CLIP1: variants seen among roughly 807,000 people sequenced by gnomAD.
CLIP1 encodes the protein CAP-Gly domain containing linker protein 1, also known as CAP-Gly domain-containing linker protein 1.
Under a neutral mutation model 161.6 loss-of-function variants are expected in CLIP1, and 66 were observed. The ratio of observed to expected loss-of-function variants is 0.41; its 90% CI spans 0.33 to 0.50. The LOEUF is 0.50. CLIP1 is among the 20% of genes least tolerant of loss of function. CLIP1 has a pLI of 0.27. For synonymous variants in CLIP1, 598 were observed against 626.2 expected (o/e 0.96, Z 0.67); for missense variants, 1,376 against 1,702.0 (o/e 0.81, Z 3.37).
chr12:122,394,179 C>T (rs915017516), intron 1 of CLIP1, among the ~76,000 whole-genome samples: 1 of 151,972 alleles, frequency 6.6e-6, no homozygotes, highest in Non-Finnish European at 1.5e-5. Flanking sequence ...TGTTTACGTA[C>T]TGCATTACTT....
intron 21 of CLIP1, among the ~76,000 whole-genome samples, chr12:122,287,040 C>T (rs886474784): frequency 2.6e-5 from 4 of 151,896 alleles, no homozygotes; most frequent in African/African-American, 9.7e-5. Flanking sequence ...GGTGTGATCA[C>T]GCATGCCTGT....
chr12:122,364,244 T>A, intron 3 of CLIP1, 137 bp from the exon 4 acceptor site: 3 of 1,028,996 alleles, frequency 2.9e-6, no homozygotes, highest in South Asian at 1.6e-5. Context: ...TCTTTGACTC[T>A]AAGAGTTCTC....
chr12:122,364,050 C>T lies in CLIP1; in HGVS notation c.715G>A (p.Gly239Arg), dbSNP rs754102187. ...TCTAACTCCACGCCACACCACTCCC[C>T]CTTGGCAAAGTCGGTCTCCCCAAGA... ...RFLGETDFAKGEWCGVELDEP... is the reference protein window; with the variant it reads ...RFLGETDFAKREWCGVELDEP... The change falls in exon 4 of 26, where the codon GGG becomes AGG. Residue 239 changes from glycine to arginine, a missense_variant. Gly to Arg is a moderately radical substitution (Grantham distance 125). Transcript: ENST00000620786. 1.4e-5 allele frequency: 22 copies of T among 1,614,054 alleles called. No individual in the cohort carries two copies. The highest frequency in any genetic ancestry group is 1.8e-5 in the Non-Finnish European group (21 of 1,180,038).
rs368653650 is a variant in CLIP1 at position 122,386,401 on chromosome 12, G to A, written c.-106-5843C>T. On this transcript the variant is annotated intron_variant, in intron 1 of 25. Transcript: ENST00000620786. ...AGAAAAAGGAAGCTATGAAGAAAAC[G>A]TCTATTGACTAATGGGAAAAGGTTC... 7.2e-4 allele frequency among the ~76,000 whole-genome samples: 109 copies of A among 152,312 alleles called. 1 individual carries two copies. The South Asian group carries it at 0.022, about 30-fold the overall frequency.
Position 122,341,089 on chromosome 12 carries a change from T to C in CLIP1, c.2115A>G (p.Glu705=). The part of the protein sequence containing the change: ...LRAKLMKVIK[E]KENSLEAIRS... Reference sequence around the variant, plus strand: ...TGATGGCTTCCAGACTGTTTTCCTTTTCTTTAATAACTTTCATCAGTTTAG... The same window carrying C: ...TGATGGCTTCCAGACTGTTTTCCTTCTCTTTAATAACTTTCATCAGTTTAG... The change falls in exon 11 of 26, where the codon GAA becomes GAG. Residue 705 remains glutamate, a synonymous_variant. Transcript: ENST00000620786. 2 of 1,613,876 alleles carry C rather than the reference T, an allele frequency of 1.2e-6. No homozygotes were observed. Among genetic ancestry groups the C allele is most frequent in the Non-Finnish European group, 1.7e-6 (2 of 1,179,974 alleles).
At chr12:122,382,251 C>T (rs1181626245) in intron 1 of CLIP1, among the ~76,000 whole-genome samples, 1 of 151,842 alleles carries the variant, frequency 6.6e-6, no homozygotes, top group African/African-American at 2.4e-5. Flanking sequence ...ATCCCAGCTA[C>T]TCGAGAGGCT....
Position 122,354,904 on chromosome 12 carries a change from C to T in CLIP1, c.1203+211G>A, listed in dbSNP as rs139295985. Reference sequence around the variant, plus strand: ...AAGACCCGGACACAAAGACCAAACACTAAGGTCGAATCAAGAACAAAACTT... The same window carrying T: ...AAGACCCGGACACAAAGACCAAACATTAAGGTCGAATCAAGAACAAAACTT... On this transcript the variant is annotated intron_variant, in intron 6 of 25. Transcript: ENST00000620786. 1.6e-3 allele frequency: 982 copies of T among 601,814 alleles called. 9 individuals are homozygous for T. In the African/African-American group the frequency reaches 0.017, roughly 10 times the overall value. 37.3% of individuals were successfully genotyped at this position (601,814 alleles called of 1,614,324 possible). A position where few individuals can be genotyped will look rare whatever the true frequency, so the allele number is the denominator to read the frequency against.
chr12:122,386,630 G>A (rs375130934), intron 1 of CLIP1, among the ~76,000 whole-genome samples: 4 of 152,020 alleles, frequency 2.6e-5, no homozygotes, highest in East Asian at 3.9e-4. Flanking sequence ...ATAAATACAC[G>A]GTTATTTTTT....
intron 1 of CLIP1, among the ~76,000 whole-genome samples, chr12:122,386,845 G>A (rs990364135): frequency 9.4e-5 from 14 of 149,268 alleles, no homozygotes; most frequent in Non-Finnish European, 1.5e-5. Flanking sequence ...AAAAAAGAGA[G>A]AGAGATTCTG....
At chr12:122,416,890 C>A (rs563765322) in intron 1 of CLIP1, among the ~76,000 whole-genome samples, 1 of 150,178 alleles carries the variant, frequency 6.7e-6, no homozygotes, top group East Asian at 2.0e-4. Context: ...ACAAGAGCGA[C>A]ACTCCATCTC....
chr12:122,355,976 T>C lies in CLIP1; in HGVS notation c.1006-664A>G, dbSNP rs1460592224. On this transcript the variant is annotated intron_variant, in intron 5 of 25. Coordinates refer to ENST00000620786, the MANE Select transcript of CLIP1 (RefSeq NM_001247997.2). This position sits in a 1 kb window ranked among gnomAD's most constrained non-coding sequence, Gnocchi z 4.1. ...TGCAGCTGTCGCCTGAAAGCTCTTC[T>C]CTTCATCGGTTTCCCTAGGCCCTTA... 4 of 152,238 alleles carry C rather than the reference T, an allele frequency of 2.6e-5. No homozygotes were observed. The highest frequency in any genetic ancestry group is 9.6e-5 in the African/African-American group (4 of 41,468). 9.4% of individuals were successfully genotyped at this position (152,238 alleles called of 1,614,324 possible). A position where few individuals can be genotyped will look rare whatever the true frequency, so the allele number is the denominator to read the frequency against.
intron 21 of CLIP1, among the ~76,000 whole-genome samples, chr12:122,281,692 C>A (rs1231014890): frequency 6.6e-6 from 1 of 151,094 alleles, no homozygotes; most frequent in South Asian, 2.1e-4. Flanking sequence ...CCAGCCTGGG[C>A]AACAGAGCAA....
At chr12:122,407,381 G>A (rs890626720) in intron 1 of CLIP1, among the ~76,000 whole-genome samples, 1 of 152,166 alleles carries the variant, frequency 6.6e-6, no homozygotes, top group Non-Finnish European at 1.5e-5. Flanking sequence ...ATTATATACA[G>A]CAGTGAGATC....
chr12:122,301,502 C>T (rs931075434), intron 20 of CLIP1, among the ~76,000 whole-genome samples: 2 of 152,168 alleles, frequency 1.3e-5, no homozygotes, highest in Non-Finnish European at 2.9e-5. Context: ...GGCGAAACCC[C>T]ATCTCTACTA....
chr12:122,372,683 T>C (rs1303708130), intron 3 of CLIP1, among the ~76,000 whole-genome samples: 4 of 152,094 alleles, frequency 2.6e-5, no homozygotes, highest in African/African-American at 4.8e-5. Context: ...TAAAATCCAT[T>C]GTGTTAGAAA....
chr12:122,278,333 C>T, intron 23 of CLIP1, 130 bp from the exon 24 acceptor site: 1 of 803,580 alleles, frequency 1.2e-6, no homozygotes, highest in Admixed American at 2.2e-5. Flanking sequence ...CCAGATGCAC[C>T]ACTTTCAGCA....
intron 11 of CLIP1, among the ~76,000 whole-genome samples, chr12:122,338,915 G>A (rs1192652682): frequency 1.3e-5 from 2 of 152,074 alleles, no homozygotes; most frequent in African/African-American, 4.8e-5. Context: ...TGTCATCTTC[G>A]ACTATGGTTA....
At chr12:122,308,591 T>C (rs1950959789) in intron 20 of CLIP1, among the ~76,000 whole-genome samples, 1 of 152,238 alleles carries the variant, frequency 6.6e-6, no homozygotes, top group South Asian at 2.1e-4. Flanking sequence ...CAAATGATGC[T>C]GAACAAATTA....
In CLIP1 at chr12:122,354,514, T is replaced by C. The variant is rs759555053; in HGVS notation, c.1246A>G (p.Met416Val). 6.2e-7 allele frequency: 1 copy of C among 1,613,836 alleles called. No homozygotes were observed. The highest frequency in any genetic ancestry group is 8.5e-7 in the Non-Finnish European group (1 of 1,179,834). ...TTCTCCCTGTCAGCAGCTTCCACCATTGTTCGCAGCTGGTCCATTTTGGCT... is the reference window on the plus strand; with the variant it reads ...TTCTCCCTGTCAGCAGCTTCCACCACTGTTCGCAGCTGGTCCATTTTGGCT... The part of the protein sequence containing the change: ...LEAKMDQLRT[M>V]VEAADREKVE... Residue 416 changes from methionine (M) to valine (V), a missense_variant, in exon 7 of 26, where the codon ATG becomes GTG. Met to Val is a conservative substitution (Grantham distance 21). This residue lies in a region of CLIP1 where 211 missense variants were observed against 295.1 expected (regional missense o/e 0.72). Coordinates refer to ENST00000620786, the MANE Select transcript of CLIP1 (RefSeq NM_001247997.2).
Sources: allele counts gnomAD v4.1 joint callset (sites outside exome capture counted in the v4.1 genomes callset), GRCh38; gene constraint gnomAD v4.1.1; regional missense constraint gnomAD v4.1.1; non-coding constraint Gnocchi (gnomAD v3.1); transcripts MANE v1.5; gene names NCBI Gene and HGNC (gene_info 2026-07-23, HGNC 2026-07-21).